The following VAV3 variants were observed in gnomAD, a reference collection of about 807,000 sequenced individuals.
VAV3 encodes vav guanine nucleotide exchange factor 3.
A neutral mutation model predicts 131.2 loss-of-function variants in VAV3; 94 were observed. The observed-to-expected ratio is 0.72, with a 90% CI of 0.61 to 0.85. The LOEUF is 0.85. Ranked by LOEUF, VAV3 falls within the 40% of genes least tolerant of loss-of-function variation. VAV3 has a pLI of 0.00. For synonymous variants in VAV3, 349 were observed against 342.0 expected, an observed-to-expected ratio of 1.02 and a Z score of -0.22; for missense variants, 939 against 1,002.7, an observed-to-expected ratio of 0.94 and a Z score of 0.86.
At chr1:107,621,907 T>C (rs1389285220) in intron 20 of VAV3, among the ~76,000 whole-genome samples, 1 of 152,170 alleles carries the variant, frequency 6.6e-6, no homozygotes, top group Non-Finnish European at 1.5e-5. Context: ...GAGACTTTTG[T>C]AAATCTAACA....
intron 15 of VAV3, among the ~76,000 whole-genome samples, chr1:107,723,529 C>A (rs1160438660): frequency 1.3e-5 from 2 of 151,556 alleles, no homozygotes; most frequent in Non-Finnish European, 2.9e-5. Flanking sequence ...CTGCTTGACA[C>A]ACTGCCAGAC....
chr1:107,886,890 T>A (rs1671060035), intron 1 of VAV3, among the ~76,000 whole-genome samples: 3 of 151,388 alleles, frequency 2.0e-5, no homozygotes, highest in Admixed American at 2.0e-4. Context: ...AAAGAAAAAC[T>A]ATCAGAAAAA....
intron 15 of VAV3, among the ~76,000 whole-genome samples, chr1:107,710,053 C>T (rs1305817558): frequency 1.3e-5 from 2 of 152,070 alleles, no homozygotes; most frequent in African/African-American, 4.8e-5. Flanking sequence ...AACATACATG[C>T]TTAAAATGAA....
intron 6 of VAV3, among the ~76,000 whole-genome samples, chr1:107,770,421 T>C (rs1459547651): frequency 1.3e-5 from 2 of 152,200 alleles, no homozygotes; most frequent in Admixed American, 1.3e-4. Context: ...CTGTTGTATT[T>C]ATTACTATAT....
chr1:107,579,941 C>T (rs940831900), intron 25 of VAV3, among the ~76,000 whole-genome samples: 23 of 152,340 alleles, frequency 1.5e-4, no homozygotes, highest in African/African-American at 4.8e-4. Flanking sequence ...ACCTTAACTT[C>T]CCTGTCTCAA....
intron 20 of VAV3, among the ~76,000 whole-genome samples, chr1:107,642,298 C>G (rs1655400967): frequency 6.6e-6 from 1 of 152,132 alleles, no homozygotes; most frequent in Admixed American, 6.6e-5. Flanking sequence ...GTCGTCCTCA[C>G]TACTACATTC....
chr1:107,610,812 T>C (rs950815873), intron 21 of VAV3, among the ~76,000 whole-genome samples: 24 of 151,952 alleles, frequency 1.6e-4, no homozygotes, highest in African/African-American at 5.6e-4. Flanking sequence ...TTCCTACGAA[T>C]AGGAGTACAG....
At chr1:107,728,600 C>CGTATACGTATACGTATATGTATAT (rs375667378) in intron 15 of VAV3, among the ~76,000 whole-genome samples, 111 of 136,950 alleles carry the variant, frequency 8.1e-4, no homozygotes, top group African/African-American at 1.9e-3. Flanking sequence ...TATACGTATA[C>CGTATACGTATACGTATATGTATAT]GTATATGTAT....
chr1:107,666,741 T>C (rs956540053), intron 19 of VAV3, among the ~76,000 whole-genome samples: 3 of 152,032 alleles, frequency 2.0e-5, no homozygotes, highest in Admixed American at 6.6e-5. Flanking sequence ...AGCTAATTTG[T>C]ATATATATAA....
chr1:107,766,708 G>C (rs1188507561), intron 7 of VAV3, among the ~76,000 whole-genome samples, 158 bp from the exon 8 acceptor site: 1 of 152,018 alleles, frequency 6.6e-6, no homozygotes, highest in Non-Finnish European at 1.5e-5. Flanking sequence ...GAGGGAAAAG[G>C]AGAGTGGGGA....
intron 15 of VAV3, among the ~76,000 whole-genome samples, chr1:107,709,485 A>T (rs556228111): frequency 1.5e-4 from 23 of 152,348 alleles, no homozygotes; most frequent in Non-Finnish European, 3.1e-4. Flanking sequence ...AACATGATTC[A>T]CTAAATTTCA....
At chr1:107,648,595 G>T (rs980516255) in intron 19 of VAV3, among the ~76,000 whole-genome samples, 2 of 152,010 alleles carry the variant, frequency 1.3e-5, no homozygotes, top group African/African-American at 2.4e-5. Flanking sequence ...CAGAAGCATA[G>T]CCCTGAGCTA....
chr1:107,649,469 T>C (rs1321055199), intron 19 of VAV3, among the ~76,000 whole-genome samples: 1 of 152,092 alleles, frequency 6.6e-6, no homozygotes, highest in Non-Finnish European at 1.5e-5. Context: ...TATAAAATGG[T>C]TGGTCCAGAA....
At chr1:107,632,524 G>A (rs1654581096) in intron 20 of VAV3, among the ~76,000 whole-genome samples, 1 of 152,136 alleles carries the variant, frequency 6.6e-6, no homozygotes, top group Non-Finnish European at 1.5e-5. Context: ...ACTAGCATTT[G>A]CTGGCTAAAA....
intron 2 of VAV3, among the ~76,000 whole-genome samples, chr1:107,817,893 G>C (rs1570994640): frequency 6.6e-6 from 1 of 152,182 alleles, no homozygotes; most frequent in East Asian, 1.9e-4. Context: ...CTCTGAGTTT[G>C]CTCTCTGGAC....
At chr1:107,893,749 C>A (rs2101067317) in intron 1 of VAV3, among the ~76,000 whole-genome samples, 1 of 152,218 alleles carries the variant, frequency 6.6e-6, no homozygotes, top group East Asian at 1.9e-4. Context: ...GGGGACACAG[C>A]CAAACTATAT....
chr1:107,622,511 C>T (rs927513795), intron 20 of VAV3, among the ~76,000 whole-genome samples: 4 of 152,126 alleles, frequency 2.6e-5, no homozygotes, highest in African/African-American at 9.7e-5. Context: ...GTGTCTCTTC[C>T]CTGTGGCTCA....
At chr1:107,617,237 C>A (rs759073417) in intron 21 of VAV3, among the ~76,000 whole-genome samples, 21 of 152,086 alleles carry the variant, frequency 1.4e-4, no homozygotes, top group African/African-American at 2.4e-4. Context: ...TGACTGGAGG[C>A]AGACCGTACC....
chr1:107,906,947 T>C lies in VAV3; in HGVS notation c.205-31930A>G, dbSNP rs566718382. 1.1e-3 allele frequency among the ~76,000 whole-genome samples: 173 copies of C among 152,272 alleles called. 1 individual carries two copies. Among genetic ancestry groups the C allele is most frequent in the African/African-American group, 3.0e-3 (124 of 41,558 alleles). ...TTAGGCTTTCTTAGTTTAAAGCACA[T>C]TTAGTGTTTATATGAAGCATGGGTG... On this transcript the variant is annotated intron_variant, in intron 1 of 26. Transcript: ENST00000370056.
Sources: allele counts gnomAD v4.1 joint callset (sites outside exome capture counted in the v4.1 genomes callset), GRCh38; gene constraint gnomAD v4.1.1; transcripts MANE v1.5; gene names NCBI Gene and HGNC (gene_info 2026-07-23, HGNC 2026-07-21).